Variants in MYO1B observed in about 807,000 individuals in gnomAD.
The protein encoded by MYO1B is myosin IB.
A neutral mutation model predicts 159.7 loss-of-function variants in MYO1B; 72 were observed. The ratio of observed to expected loss-of-function variants is 0.45; its 90% CI spans 0.37 to 0.55. The LOEUF (loss-of-function observed/expected upper bound fraction) is 0.55, where lower values mean the gene tolerates loss of function less well. MYO1B is among the 20% of genes least tolerant of loss of function. The pLI, the probability that MYO1B is intolerant of heterozygous loss-of-function variation, is 0.00. For missense variants in MYO1B, 1,062 were observed against 1,364.8 expected (o/e 0.78, Z 3.50); for synonymous variants, 468 against 473.8 (o/e 0.99, Z 0.16).
At chr2:191,320,205 A>G (rs964716104) in intron 3 of MYO1B, among the ~76,000 whole-genome samples, 4 of 152,204 alleles carry the variant, frequency 2.6e-5, no homozygotes, top group African/African-American at 4.8e-5. Context: ...TTGTCCTCAC[A>G]TCACTAAATT....
intron 4 of MYO1B, among the ~76,000 whole-genome samples, chr2:191,331,064 T>A (rs529816032): frequency 2.0e-5 from 3 of 152,310 alleles, no homozygotes; most frequent in African/African-American, 7.2e-5. Context: ...TACTCTTTAC[T>A]CCACTTGCCT....
chr2:191,396,378 C>T (rs1265326499), intron 20 of MYO1B, 51 bp from the exon 21 acceptor site: 7 of 1,560,550 alleles, frequency 4.5e-6, no homozygotes, highest in Admixed American at 3.3e-5. Flanking sequence ...TCCTTGTATG[C>T]GTTACAGATA....
chr2:191,346,221 T>C lies in MYO1B; in HGVS notation c.452-15T>C. 1 of 1,552,332 alleles carries C rather than the reference T, an allele frequency of 6.4e-7. No homozygotes were observed. ...TATTATTTTTTTAACCATACATCTG[T>C]TTCTTTCCTACTAGCTTTTGGAAAT... On this transcript the variant is annotated splice_polypyrimidine_tract_variant and intron_variant, in intron 5 of 30. Transcript: ENST00000392318.
At chr2:191,383,428 A>G in intron 15 of MYO1B, 86 bp downstream of exon 15, 1 of 324,756 alleles carries the variant, frequency 3.1e-6, no homozygotes, top group Non-Finnish European at 5.2e-6. Context: ...AATGTTAAGC[A>G]TTAGTATTTT....
At chr2:191,277,111 T>C in intron 2 of MYO1B, 81 bp downstream of exon 2, 2 of 1,509,174 alleles carry the variant, frequency 1.3e-6, no homozygotes, top group South Asian at 2.5e-5. Flanking sequence ...CTCAGACTCT[T>C]CTTTCTTTTT....
At chr2:191,309,960 A>G (rs1200275343) in intron 3 of MYO1B, among the ~76,000 whole-genome samples, 7 of 152,208 alleles carry the variant, frequency 4.6e-5, no homozygotes, top group Non-Finnish European at 5.9e-5. Context: ...CAGCCACTCC[A>G]TAAATATTGG....
intron 1 of MYO1B, among the ~76,000 whole-genome samples, chr2:191,272,960 A>G (rs774125587): frequency 6.6e-6 from 1 of 152,206 alleles, no homozygotes; most frequent in South Asian, 2.1e-4. Context: ...TGTTGCAAAT[A>G]ATAGAAAATA....
intron 5 of MYO1B, among the ~76,000 whole-genome samples, chr2:191,345,220 C>T (rs1211037508): frequency 6.6e-6 from 1 of 152,154 alleles, no homozygotes; most frequent in African/African-American, 2.4e-5. Context: ...TGCCTCTTCC[C>T]AGACCCATTG....
intron 29 of MYO1B, among the ~76,000 whole-genome samples, chr2:191,415,080 C>T (rs570140787): frequency 1.2e-4 from 18 of 152,276 alleles, no homozygotes; most frequent in East Asian, 1.9e-4. Flanking sequence ...AACCAGGACT[C>T]CTGGCTTGGA....
rs1361580589 is a variant in MYO1B at position 191,398,453 on chromosome 2, C to T, written c.2296-1929C>T. On this transcript the variant is annotated intron_variant, in intron 21 of 30. Coordinates refer to ENST00000392318, the MANE Select transcript of MYO1B (RefSeq NM_001130158.3). Reference sequence around the variant, plus strand: ...CCCCCACCTCCCTCCCGGACGGAGACGCTCCTCACTTCCCAGACGGGGTGG... The same window carrying T: ...CCCCCACCTCCCTCCCGGACGGAGATGCTCCTCACTTCCCAGACGGGGTGG... Among the ~76,000 whole-genome samples the T allele has an allele frequency of 3.6e-5, 5 of 140,488 alleles. 1 individual carries two copies. Among genetic ancestry groups the T allele is most frequent in the African/African-American group, 5.2e-5 (2 of 38,122 alleles). 92.2% of individuals were successfully genotyped at this position (140,488 alleles called of 152,430 possible).
chr2:191,422,077 TTGAAAC>T (rs1301944534), intron 30 of MYO1B, among the ~76,000 whole-genome samples: 36 of 152,210 alleles, frequency 2.4e-4, no homozygotes, highest in Non-Finnish European at 8.8e-5. Context: ...TCTTTAGACC[TTGAAAC>T]TGAAACTAAT....
chr2:191,258,653 G>A (rs972049874), intron 1 of MYO1B, among the ~76,000 whole-genome samples: 1 of 152,170 alleles, frequency 6.6e-6, no homozygotes, highest in Non-Finnish European at 1.5e-5. Flanking sequence ...AGCGGTTATA[G>A]CTGCTTATTT....
intron 21 of MYO1B, 22 bp from the exon 22 acceptor site, chr2:191,400,358 CTT>C: frequency 1.9e-6 from 3 of 1,612,044 alleles, no homozygotes; most frequent in Non-Finnish European, 2.5e-6. Context: ...AACATTCTCT[CTT>C]TTGGGTGATT....
chr2:191,301,979 G>A (rs1689363240), intron 3 of MYO1B, among the ~76,000 whole-genome samples: 1 of 152,162 alleles, frequency 6.6e-6, no homozygotes, highest in Admixed American at 6.5e-5. Flanking sequence ...TTACAGTCCA[G>A]CTTTAGCTGT....
At chr2:191,371,770 A>G (rs1322718102) in intron 13 of MYO1B, among the ~76,000 whole-genome samples, 1 of 152,158 alleles carries the variant, frequency 6.6e-6, no homozygotes, top group Admixed American at 6.6e-5. Context: ...CACCCTTGTC[A>G]TTACTCCAAG....
intron 13 of MYO1B, 135 bp downstream of exon 13, chr2:191,370,427 A>AT: frequency 1.5e-6 from 1 of 648,498 alleles, no homozygotes; most frequent in Middle Eastern, 3.8e-4. Flanking sequence ...GTAACACACT[A>AT]TCACTTTGAA....
At position 191,397,668 on chromosome 2, in the gene MYO1B, C is replaced by T. The variant is rs1260312124; in HGVS notation, c.2295+1171C>T. Among the ~76,000 whole-genome samples the T allele has an allele frequency of 7.5e-5, 11 of 146,110 alleles. No individual in the cohort carries two copies. In the South Asian group the frequency reaches 9.2e-4, roughly 12 times the overall value. On this transcript the variant is annotated intron_variant, in intron 21 of 30. Transcript: ENST00000392318. ...TTCCCGCCTTTCTATTCCACAAAAC[C>T]GCCATTGTCATCATGGCCCATCCCC...
intron 12 of MYO1B, among the ~76,000 whole-genome samples, chr2:191,369,967 T>C (rs1222717712): frequency 1.3e-5 from 2 of 152,172 alleles, no homozygotes; most frequent in Non-Finnish European, 2.9e-5. Flanking sequence ...GATCTAATCA[T>C]TACTAAAATG....
intron 2 of MYO1B, among the ~76,000 whole-genome samples, chr2:191,281,912 G>C (rs763816882): frequency 2.0e-5 from 3 of 152,162 alleles, no homozygotes; most frequent in African/African-American, 4.8e-5. Flanking sequence ...GTAGTTGTAG[G>C]AGTGACTACT....
Sources: gnomAD v4.1 joint callset for allele counts (sites outside exome capture counted in the v4.1 genomes callset) on GRCh38, gnomAD v4.1.1 for gene constraint, MANE v1.5 for transcripts, NCBI Gene and HGNC (gene_info 2026-07-23, HGNC 2026-07-21) for gene names.